GABRG3: variants seen among roughly 807,000 people sequenced by gnomAD.
GABRG3 encodes gamma-aminobutyric acid type A receptor subunit gamma3, also known as gamma-aminobutyric acid receptor subunit gamma-3.
Under a neutral mutation model 48.8 loss-of-function variants are expected in GABRG3, and 25 were observed. The observed-to-expected ratio is 0.51, with a 90% CI of 0.37 to 0.72. The LOEUF is 0.72. Among genes scored for constraint, GABRG3 ranks in the 30% least tolerant of loss-of-function variants. The probability of loss-of-function intolerance (pLI) is 0.00; values close to 1 mark genes in which losing one functional copy is unlikely to be tolerated. For synonymous variants in GABRG3, 227 were observed against 217.6 expected, an observed-to-expected ratio of 1.04 and a Z score of -0.38; for missense variants, 394 against 577.9, an observed-to-expected ratio of 0.68 and a Z score of 3.26.
intron 6 of GABRG3, among the ~76,000 whole-genome samples, chr15:27,497,942 C>T (rs4622465): frequency 0.67 from 102,262 of 152,110 alleles, 34,617 homozygotes; most frequent in East Asian, 0.86. Flanking sequence ...TTTTTGATTC[C>T]AAGTTTGTTT....
intron 3 of GABRG3, among the ~76,000 whole-genome samples, chr15:27,104,431 T>C (rs1897414610): frequency 6.6e-6 from 1 of 152,238 alleles, no homozygotes; most frequent in South Asian, 2.1e-4. Flanking sequence ...ATGTGGACTT[T>C]AAAAATTTGT....
intron 5 of GABRG3, among the ~76,000 whole-genome samples, chr15:27,429,072 A>G (rs943948569): frequency 7.9e-5 from 12 of 152,230 alleles, no homozygotes; most frequent in African/African-American, 2.2e-4. Context: ...GCAATCTAGA[A>G]TGACAGATCT....
Position 27,251,404 on chromosome 15 carries a change from A to G in GABRG3, c.271-75405A>G, listed in dbSNP as rs1171100259. The stretch of plus-strand genomic sequence containing the variant: ...ACTCCTTCAGATATCTTCTGCTCAG[A>G]GACGCAAAGGGAGCCCAGGAAACTT... On this transcript the variant is annotated intron_variant, in intron 3 of 9. Transcript: ENST00000615808. 2.6e-5 allele frequency among the ~76,000 whole-genome samples: 4 copies of G among 152,284 alleles called. No individual in the cohort carries two copies. The East Asian group carries it at 7.8e-4, about 30-fold the overall frequency.
At chr15:27,353,069 G>C (rs1894681339) in intron 5 of GABRG3, among the ~76,000 whole-genome samples, 1 of 152,120 alleles carries the variant, frequency 6.6e-6, no homozygotes, top group East Asian at 1.9e-4. Context: ...GCAGACCTGA[G>C]AATTGTCCTT....
At chr15:27,234,990 C>T (rs1245026417) in intron 3 of GABRG3, among the ~76,000 whole-genome samples, 1 of 152,086 alleles carries the variant, frequency 6.6e-6, no homozygotes, top group African/African-American at 2.4e-5. Context: ...TCCAAATAGC[C>T]ACAGTTCTGG....
intron 5 of GABRG3, among the ~76,000 whole-genome samples, chr15:27,376,490 C>G (rs1895600430): frequency 6.6e-6 from 1 of 152,230 alleles, no homozygotes. Flanking sequence ...TCTGCGTGGG[C>G]ATCCAGGTGT....
At chr15:27,279,130 G>T (rs1000920761) in intron 3 of GABRG3, among the ~76,000 whole-genome samples, 1 of 152,088 alleles carries the variant, frequency 6.6e-6, no homozygotes, top group African/African-American at 2.4e-5. Context: ...TAAGTGAATT[G>T]TTTTTGTATA....
intron 3 of GABRG3, among the ~76,000 whole-genome samples, chr15:27,109,937 T>C (rs1426674506): frequency 6.6e-6 from 1 of 152,106 alleles, no homozygotes; most frequent in Non-Finnish European, 1.5e-5. Context: ...TTTAGCTGGG[T>C]CTGGGGTTTT....
intron 5 of GABRG3, among the ~76,000 whole-genome samples, chr15:27,478,590 G>A (rs996448108): frequency 6.6e-6 from 1 of 152,142 alleles, no homozygotes; most frequent in South Asian, 2.1e-4. Context: ...AGACAATCTG[G>A]CAGTTCCTCA....
At chr15:27,456,757 C>T (rs1188102172) in intron 5 of GABRG3, among the ~76,000 whole-genome samples, 1 of 152,164 alleles carries the variant, frequency 6.6e-6, no homozygotes, top group Non-Finnish European at 1.5e-5. Flanking sequence ...GTCTCAGATA[C>T]TTGTGGGCCT....
chr15:26,983,797 G>A (rs545476066), intron 2 of GABRG3, among the ~76,000 whole-genome samples: 1 of 152,170 alleles, frequency 6.6e-6, no homozygotes, highest in East Asian at 1.9e-4. Flanking sequence ...ATTTTAAAAA[G>A]ACATAAAGAG....
At chr15:27,194,543 A>T (rs1888434372) in intron 3 of GABRG3, among the ~76,000 whole-genome samples, 1 of 152,204 alleles carries the variant, frequency 6.6e-6, no homozygotes. Flanking sequence ...TAGAATTCAT[A>T]GTTGACAGCT....
At chr15:27,074,644 T>C (rs1896882246) in intron 3 of GABRG3, among the ~76,000 whole-genome samples, 1 of 130,016 alleles carries the variant, frequency 7.7e-6, no homozygotes, top group South Asian at 2.2e-4. Context: ...AGCATTTACT[T>C]TTTTTTTTTT....
chr15:27,201,311 G>A (rs1888672672), intron 3 of GABRG3, among the ~76,000 whole-genome samples: 1 of 151,312 alleles, frequency 6.6e-6, no homozygotes, highest in Non-Finnish European at 1.5e-5. Context: ...GGTGGACAGA[G>A]CTCAACACCC....
intron 3 of GABRG3, among the ~76,000 whole-genome samples, chr15:27,308,646 G>C (rs907159289): frequency 1.4e-5 from 2 of 147,606 alleles, no homozygotes; most frequent in East Asian, 4.2e-4. Flanking sequence ...GTAAACATAC[G>C]CTTATGTATA....
chr15:27,230,689 C>T (rs1026257421), intron 3 of GABRG3, among the ~76,000 whole-genome samples: 2 of 152,060 alleles, frequency 1.3e-5, no homozygotes, highest in Admixed American at 6.6e-5. Context: ...AATAATTACC[C>T]CACCCTCTTT....
At chr15:27,193,566 T>G (rs188102528) in intron 3 of GABRG3, among the ~76,000 whole-genome samples, 1,583 of 150,392 alleles carry the variant, frequency 0.011, 13 homozygotes, top group South Asian at 0.02. Flanking sequence ...TTTTAAGCCC[T>G]TGGGAAAAGT....
chr15:26,979,145 A>G (rs1895005600), intron 2 of GABRG3, among the ~76,000 whole-genome samples: 2 of 152,208 alleles, frequency 1.3e-5, no homozygotes, highest in African/African-American at 4.8e-5. Context: ...TTTCTAATAT[A>G]CATAAATACA....
At chr15:27,121,829 G>A (rs1301396348) in intron 3 of GABRG3, among the ~76,000 whole-genome samples, 1 of 152,142 alleles carries the variant, frequency 6.6e-6, no homozygotes. Context: ...TGGAACTGGA[G>A]ATCATTATGT....
Sources: gnomAD v4.1 joint callset for allele counts (sites outside exome capture counted in the v4.1 genomes callset) on GRCh38, gnomAD v4.1.1 for gene constraint, MANE v1.5 for transcripts, NCBI Gene and HGNC (gene_info 2026-07-23, HGNC 2026-07-21) for gene names.